The following PDZRN4 variants were observed in gnomAD, a reference collection of about 807,000 sequenced individuals.
PDZRN4 encodes the protein PDZ domain-containing RING finger protein 4.
A neutral mutation model predicts 99.0 loss-of-function variants in PDZRN4; 70 were observed. The observed-to-expected ratio is 0.71, with a 90% CI of 0.58 to 0.86. The LOEUF (loss-of-function observed/expected upper bound fraction) is 0.86. Among genes scored for constraint, PDZRN4 ranks in the 40% least tolerant of loss-of-function variants. The pLI is 0.00. For missense variants in PDZRN4, 1,474 were observed against 1,331.2 expected (o/e 1.11, Z -1.67); for synonymous variants, 551 against 501.6 (o/e 1.10, Z -1.32).
intron 3 of PDZRN4, among the ~76,000 whole-genome samples, chr12:41,262,583 C>A (rs954841612): frequency 1.3e-5 from 2 of 152,158 alleles, no homozygotes; most frequent in Non-Finnish European, 2.9e-5. Flanking sequence ...AAAGATACAA[C>A]TTCCATTGAA....
rs1950709605 is a variant in PDZRN4, at chr12:41,188,566, C to T, written c.111C>T (p.Phe37=). The T allele has an allele frequency of 8.4e-6, 13 of 1,548,556 alleles. No individual in the cohort carries two copies. The highest frequency in any genetic ancestry group is 1.1e-5 in the Non-Finnish European group (13 of 1,154,250). The change falls in exon 1 of 10, where the codon TTC becomes TTT. Residue 37 remains phenylalanine, a synonymous_variant. Transcript: ENST00000402685. ...TGTGCACGCCGTGCGGGCACGTCTTCTGCGCCAGCTGCCTGTTGCCCTGGG... is the reference window on the plus strand; with the variant it reads ...TGTGCACGCCGTGCGGGCACGTCTTTTGCGCCAGCTGCCTGTTGCCCTGGG... ...EPLCTPCGHV[F]CASCLLPWAV...
intron 3 of PDZRN4, among the ~76,000 whole-genome samples, chr12:41,425,884 A>G (rs1952532153): frequency 6.6e-6 from 1 of 151,918 alleles, no homozygotes; most frequent in South Asian, 2.1e-4. Context: ...AAATCCATCC[A>G]CTCTTCTAAA....
At chr12:41,368,443 T>C (rs1004241007) in intron 3 of PDZRN4, among the ~76,000 whole-genome samples, 20 of 152,122 alleles carry the variant, frequency 1.3e-4, no homozygotes, top group African/African-American at 3.6e-4. Flanking sequence ...GAGAGAGTCA[T>C]ATAGCTGTTC....
At chr12:41,322,956 G>T (rs1428851348) in intron 3 of PDZRN4, among the ~76,000 whole-genome samples, 1 of 151,492 alleles carries the variant, frequency 6.6e-6, no homozygotes, top group East Asian at 1.9e-4. Flanking sequence ...TCTTGAAAAT[G>T]ATATCTACTG....
At chr12:41,497,094 G>A (rs964316251) in intron 3 of PDZRN4, among the ~76,000 whole-genome samples, 6 of 152,086 alleles carry the variant, frequency 3.9e-5, no homozygotes, top group African/African-American at 1.4e-4. Flanking sequence ...TGCTAGTGTG[G>A]CTAAGTTGCA....
At chr12:41,246,797 C>T (rs947372801) in intron 3 of PDZRN4, among the ~76,000 whole-genome samples, 2 of 152,076 alleles carry the variant, frequency 1.3e-5, no homozygotes, top group African/African-American at 4.8e-5. Flanking sequence ...GTTATGCCAC[C>T]GGACATGAAA....
intron 3 of PDZRN4, among the ~76,000 whole-genome samples, chr12:41,214,429 C>CCAAAAAAAAAAAAAAAAA (rs1950907530): frequency 1.2e-4 from 2 of 16,200 alleles, no homozygotes; most frequent in South Asian, 2.8e-3. Flanking sequence ...ACCCTGTCCC[C>CCAAAAAAAAAAAAAAAAA]TAAAAAAAAA....
intron 3 of PDZRN4, among the ~76,000 whole-genome samples, chr12:41,244,490 A>T (rs1291017207): frequency 6.6e-6 from 1 of 151,974 alleles, no homozygotes; most frequent in Non-Finnish European, 1.5e-5. Flanking sequence ...GTTCTACATG[A>T]TCTGCTCCAC....
At chr12:41,344,650 C>A (rs1210913790) in intron 3 of PDZRN4, among the ~76,000 whole-genome samples, 1 of 151,106 alleles carries the variant, frequency 6.6e-6, no homozygotes, top group Non-Finnish European at 1.5e-5. Flanking sequence ...ACCTACATTG[C>A]GGTTGCAGTG....
intron 3 of PDZRN4, among the ~76,000 whole-genome samples, chr12:41,401,401 G>A (rs1952287593): frequency 1.3e-5 from 2 of 152,036 alleles, no homozygotes; most frequent in Non-Finnish European, 2.9e-5. Flanking sequence ...TTTTAAAGTT[G>A]CACTTACATT....
At chr12:41,388,138 G>C (rs1952184950) in intron 3 of PDZRN4, among the ~76,000 whole-genome samples, 1 of 152,146 alleles carries the variant, frequency 6.6e-6, no homozygotes, top group Non-Finnish European at 1.5e-5. Context: ...GGTGGAGCTA[G>C]AGGACATTAC....
chr12:41,548,238 A>T (rs1938991725), intron 5 of PDZRN4, among the ~76,000 whole-genome samples: 1 of 152,200 alleles, frequency 6.6e-6, no homozygotes, highest in South Asian at 2.1e-4. Context: ...AGATTCCATT[A>T]TGCAGGAGAT....
At chr12:41,270,114 T>C (rs1484335151) in intron 3 of PDZRN4, among the ~76,000 whole-genome samples, 1 of 152,160 alleles carries the variant, frequency 6.6e-6, no homozygotes, top group Non-Finnish European at 1.5e-5. Context: ...TTAACAGCTA[T>C]GGCTGAGTCA....
rs574621439 is a variant in PDZRN4 at position 41,275,877 on chromosome 12, G to T, written c.843+81689G>T. 5.3e-5 allele frequency among the ~76,000 whole-genome samples: 8 copies of T among 152,226 alleles called. No homozygotes were observed. The East Asian group carries it at 1.4e-3, about 26-fold the overall frequency. ...TCTAAGGAAATAATTTAGAGAAAAT[G>T]TACAGGCTGGATGTGAAAAATGAAG... On this transcript the variant is annotated intron_variant, in intron 3 of 9. Coordinates refer to ENST00000402685, the MANE Select transcript of PDZRN4 (RefSeq NM_001164595.2).
At chr12:41,235,647 A>C (rs989111488) in intron 3 of PDZRN4, among the ~76,000 whole-genome samples, 27 of 152,180 alleles carry the variant, frequency 1.8e-4, no homozygotes, top group Admixed American at 3.9e-4. Context: ...CTAAATTTAG[A>C]TGTAAAACAT....
intron 9 of PDZRN4, among the ~76,000 whole-genome samples, chr12:41,570,237 C>A (rs1939450217): frequency 6.6e-6 from 1 of 152,116 alleles, no homozygotes; most frequent in Non-Finnish European, 1.5e-5. Context: ...CTTTAAAAGT[C>A]CTTTGCCCTT....
intron 3 of PDZRN4, among the ~76,000 whole-genome samples, chr12:41,354,736 T>A (rs1367409576): frequency 1.3e-5 from 2 of 152,056 alleles, no homozygotes; most frequent in Non-Finnish European, 2.9e-5. Context: ...ACATCTAAGA[T>A]CCTTGCACTG....
At chr12:41,563,065 T>C (rs1299904476) in intron 7 of PDZRN4, among the ~76,000 whole-genome samples, 1 of 152,190 alleles carries the variant, frequency 6.6e-6, no homozygotes, top group African/African-American at 2.4e-5. Flanking sequence ...ATGAAATGAT[T>C]AAATAAAAAT....
chr12:41,473,822 C>G lies in PDZRN4; in HGVS notation c.844-32634C>G, dbSNP rs183731751. ...AATAAAACCCAACCTACTAAGTGAC[C>G]AAGTTATAAATATTGTGTAATAAAG... is the stretch of plus-strand genomic sequence containing the variant. On this transcript the variant is annotated intron_variant, in intron 3 of 9. Coordinates refer to ENST00000402685, the MANE Select transcript of PDZRN4 (RefSeq NM_001164595.2). Among the ~76,000 whole-genome samples the G allele has an allele frequency of 4.0e-4, 61 of 152,210 alleles. 1 individual carries two copies. The East Asian group carries it at 0.01, about 26-fold the overall frequency.
Sources: gnomAD v4.1 joint callset for allele counts (sites outside exome capture counted in the v4.1 genomes callset) on GRCh38, gnomAD v4.1.1 for gene constraint, MANE v1.5 for transcripts, NCBI Gene and HGNC (gene_info 2026-07-23, HGNC 2026-07-21) for gene names.